Variants in CHEK2 observed in about 807,000 individuals in gnomAD.
The protein encoded by CHEK2 is checkpoint kinase 2, also known as serine/threonine-protein kinase Chk2.
CHEK2 carries 71 observed loss-of-function variants against 69.1 expected under a neutral mutation model. That is an observed-to-expected ratio of 1.03 (90% CI 0.85 to 1.25). The LOEUF (loss-of-function observed/expected upper bound fraction) is 1.25. Ranked by LOEUF, CHEK2 falls within the 50% of genes most tolerant of loss-of-function variation. CHEK2 has a pLI of 0.00. For missense variants in CHEK2, 664 were observed against 649.6 expected (o/e 1.02, Z -0.24); for synonymous variants, 189 against 226.9 (o/e 0.83, Z 1.50).
At chr22:28,740,790 G>A (rs1189894531) in intron 1 of CHEK2, among the ~76,000 whole-genome samples, 1 of 152,178 alleles carries the variant, frequency 6.6e-6, no homozygotes, top group Non-Finnish European at 1.5e-5. Context: ...ACCTTGCACT[G>A]TTCACATACA....
At chr22:28,730,461 A>G (rs1358072566) in intron 2 of CHEK2, 1 of 697,742 alleles carries the variant, frequency 1.4e-6, no homozygotes, top group Non-Finnish European at 2.6e-6. Context: ...CACACCTCTT[A>G]TCCCAGCACT....
chr22:28,705,032 T>A (rs2053059293), intron 7 of CHEK2, among the ~76,000 whole-genome samples: 1 of 150,898 alleles, frequency 6.6e-6, no homozygotes, highest in African/African-American at 2.4e-5. Flanking sequence ...AAGTTGAGCA[T>A]CCCACATACA....
chr22:28,722,280 C>T (rs2053812668), intron 4 of CHEK2, among the ~76,000 whole-genome samples: 1 of 151,756 alleles, frequency 6.6e-6, no homozygotes, highest in Non-Finnish European at 1.5e-5. Flanking sequence ...GTGGCTCACG[C>T]CTGTAATCCC....
In CHEK2 at chr22:28,738,497, A is replaced by C. The variant is rs115020008; in HGVS notation, c.-7+3272T>G. On this transcript the variant is annotated intron_variant, in intron 1 of 14. Coordinates refer to ENST00000404276, the MANE Select transcript of CHEK2 (RefSeq NM_007194.4). The stretch of plus-strand genomic sequence containing the variant: ...TAAACCTGTTTTCTCATCTGAAAAT[A>C]AGTAGACAGACCATGAGGATTAAGT... 6.7e-3 allele frequency among the ~76,000 whole-genome samples: 1,016 copies of C among 152,302 alleles called. 14 individuals are homozygous for C. The highest frequency in any genetic ancestry group is 0.023 in the African/African-American group (977 of 41,582).
intron 2 of CHEK2, among the ~76,000 whole-genome samples, chr22:28,725,968 G>T (rs2053994490): frequency 6.6e-6 from 1 of 151,494 alleles, no homozygotes; most frequent in African/African-American, 2.4e-5. Flanking sequence ...ACTTTGGGAG[G>T]CTGAGACGAA....
At position 28,709,060 on chromosome 22, in the gene CHEK2, G is replaced by C. The variant is rs2053288175; in HGVS notation, c.846+946C>G. 4.1e-5 allele frequency: 12 copies of C among 295,440 alleles called. 1 individual carries two copies. The highest frequency in any genetic ancestry group is 3.3e-4 in the South Asian group (12 of 36,812). The allele number at this position is 295,440 out of a possible 1,614,324, so 18.3% of individuals were successfully genotyped here. Reference sequence around the variant, plus strand: ...TGAGTTTAATGCCATTGCCTAATGAGCTTATGCCTTCATGGGCACTTATGA... The same window carrying C: ...TGAGTTTAATGCCATTGCCTAATGACCTTATGCCTTCATGGGCACTTATGA... On this transcript the variant is annotated intron_variant, in intron 7 of 14. Coordinates refer to ENST00000404276, the MANE Select transcript of CHEK2 (RefSeq NM_007194.4).
intron 2 of CHEK2, among the ~76,000 whole-genome samples, chr22:28,730,264 G>GAAGGGAA (rs147027399): frequency 1.9e-3 from 1 of 534 alleles, no homozygotes; most frequent in African/African-American, 8.6e-3. Context: ...GAGGGGAGGG[G>GAAGGGAA]AGGAAAGGAA....
chr22:28,712,476 T>C (rs189803238), intron 5 of CHEK2, among the ~76,000 whole-genome samples: 59 of 152,318 alleles, frequency 3.9e-4, no homozygotes, highest in Admixed American at 1.8e-3. Flanking sequence ...TCAAAGGAAG[T>C]GCATAAGCAG....
At chr22:28,719,595 T>A in intron 4 of CHEK2, 110 bp from the exon 5 acceptor site, 3 of 679,824 alleles carry the variant, frequency 4.4e-6, no homozygotes, top group Non-Finnish European at 7.8e-6. Context: ...TTTAACTACA[T>A]TTAACATGTA....
intron 13 of CHEK2, among the ~76,000 whole-genome samples, chr22:28,691,165 C>T (rs1359866474): frequency 6.6e-6 from 1 of 151,630 alleles, no homozygotes; most frequent in Admixed American, 6.6e-5. Flanking sequence ...TGGTCACAAG[C>T]CTAATCAGGC....
chr22:28,707,733 GA>G (rs1400845827), intron 7 of CHEK2, among the ~76,000 whole-genome samples: 1 of 151,206 alleles, frequency 6.6e-6, no homozygotes, highest in African/African-American at 2.4e-5. Flanking sequence ...TTAGGGTTTT[GA>G]ATTCTTCTCT....
At chr22:28,700,949 C>T (rs757015699) in intron 8 of CHEK2, among the ~76,000 whole-genome samples, 1 of 151,978 alleles carries the variant, frequency 6.6e-6, no homozygotes, top group African/African-American at 2.4e-5. Context: ...ACCATCATGC[C>T]CGGCTAATTT....
At chr22:28,740,140 G>A (rs2054515220) in intron 1 of CHEK2, among the ~76,000 whole-genome samples, 1 of 152,188 alleles carries the variant, frequency 6.6e-6, no homozygotes, top group Non-Finnish European at 1.5e-5. Flanking sequence ...GTCGGAGGTT[G>A]CAGTGAGCCG....
rs1200167416 is a variant in CHEK2, at chr22:28,722,315, A to T, written c.592+2662T>A. ...CAGCACTTTGGAAGGCCGAGGCGGA[A>T]GGATCACGAGGTCAGGAGATGGAGA... On this transcript the variant is annotated intron_variant, in intron 4 of 14. Coordinates refer to ENST00000404276, the MANE Select transcript of CHEK2 (RefSeq NM_007194.4). Among the ~76,000 whole-genome samples the T allele has an allele frequency of 1.1e-4, 16 of 151,882 alleles. No individual in the cohort carries two copies. The South Asian group carries it at 3.1e-3, about 30-fold the overall frequency.
chr22:28,702,955 G>A (rs2052946294), intron 8 of CHEK2, among the ~76,000 whole-genome samples: 1 of 152,148 alleles, frequency 6.6e-6, no homozygotes, highest in Admixed American at 6.6e-5. Flanking sequence ...CAAGAAAAAT[G>A]TTTGTTCATG....
chr22:28,700,819 C>T (rs1023523769), intron 8 of CHEK2, among the ~76,000 whole-genome samples: 10 of 152,198 alleles, frequency 6.6e-5, no homozygotes, highest in South Asian at 2.1e-4. Flanking sequence ...GACAGAGTTT[C>T]GCTCTTATTG....
chr22:28,734,897 CT>C (rs1465234104), intron 1 of CHEK2, among the ~76,000 whole-genome samples, 170 bp from the exon 2 acceptor site: 1 of 151,504 alleles, frequency 6.6e-6, no homozygotes, highest in Non-Finnish European at 1.5e-5. Flanking sequence ...TATAGTTCTT[CT>C]GGGCTGAGCT....
chr22:28,729,852 C>A (rs2054140993), intron 2 of CHEK2, among the ~76,000 whole-genome samples: 1 of 152,014 alleles, frequency 6.6e-6, no homozygotes. Flanking sequence ...TGGCCTTAAG[C>A]ACTTCTCCTG....
At chr22:28,734,367 G>T in intron 2 of CHEK2, 36 bp downstream of exon 2, 1 of 1,596,342 alleles carries the variant, frequency 6.3e-7, no homozygotes, top group Non-Finnish European at 8.6e-7. Context: ...GTGTTTTTCT[G>T]AACAAAACGT....
Sources: allele counts gnomAD v4.1 joint callset (sites outside exome capture counted in the v4.1 genomes callset), GRCh38; gene constraint gnomAD v4.1.1; transcripts MANE v1.5; gene names NCBI Gene and HGNC (gene_info 2026-07-23, HGNC 2026-07-21).